SOD2: variants seen among roughly 807,000 people sequenced by gnomAD.
SOD2 encodes superoxide dismutase [Mn], mitochondrial.
SOD2 carries 11 observed loss-of-function variants against 27.0 expected under a neutral mutation model. That is an observed-to-expected ratio of 0.41 (90% CI 0.26 to 0.67). SOD2 has a LOEUF of 0.67. SOD2 is among the 30% of genes least tolerant of loss of function. The pLI, the probability that SOD2 is intolerant of heterozygous loss-of-function variation, is 0.34. For missense variants in SOD2, 250 were observed against 274.5 expected, an observed-to-expected ratio of 0.91 and a Z score of 0.63; for synonymous variants, 105 against 103.0, an observed-to-expected ratio of 1.02 and a Z score of -0.12.
intron 1 of SOD2, among the ~76,000 whole-genome samples, chr6:159,724,130 G>A (rs552660250): frequency 4.2e-5 from 6 of 142,436 alleles, no homozygotes; most frequent in East Asian, 2.3e-4. Flanking sequence ...CCCCACCCCC[G>A]GATGAATGAA....
At chr6:159,736,981 T>A (rs1778962667) in intron 1 of SOD2, among the ~76,000 whole-genome samples, 1 of 152,228 alleles carries the variant, frequency 6.6e-6, no homozygotes, top group South Asian at 2.1e-4. Context: ...AGATTACTCA[T>A]TAAATGAATA....
intron 1 of SOD2, among the ~76,000 whole-genome samples, chr6:159,711,006 T>A (rs78838950): frequency 0.021 from 874 of 40,652 alleles, 5 homozygotes; most frequent in Non-Finnish European, 0.025. Flanking sequence ...TGCTCTGACC[T>A]CCATAACCAC....
At chr6:159,698,943 G>A (rs1777478712) in intron 1 of SOD2, among the ~76,000 whole-genome samples, 1 of 110,228 alleles carries the variant, frequency 9.1e-6, no homozygotes, top group Admixed American at 1.2e-4. Context: ...GGGGGTGGGG[G>A]GCGGGGGTGG....
intron 1 of SOD2, chr6:159,760,962 T>C (rs959368519): frequency 6.6e-6 from 1 of 152,316 alleles, no homozygotes; most frequent in East Asian, 1.9e-4. Flanking sequence ...ACCCTAAAGA[T>C]TTCTCCTGAA....
chr6:159,692,329 A>AGT, intron 2 of SOD2: 1 of 1,025,642 alleles, frequency 9.7e-7, no homozygotes, highest in Non-Finnish European at 1.3e-6. Flanking sequence ...AAAAAAAACG[A>AGT]GTGACACAGT....
rs3066261 is a variant in SOD2, at chr6:159,756,594, C to CTTTTTTTTTTTTTTTTTTT, written c.-336+4424_-336+4442dup. Among the ~76,000 whole-genome samples the CTTTTTTTTTTTTTTTTTTT allele has an allele frequency of 3.2e-5, 3 of 94,372 alleles. 1 individual carries two copies. The highest frequency in any genetic ancestry group is 2.0e-5 in the Non-Finnish European group (1 of 49,222). The allele number at this position is 94,372 out of a possible 152,430, so 61.9% of individuals were successfully genotyped here. ...AGAAAATAGTCATCTATTTCTTAGG[C>CTTTTTTTTTTTTTTTTTTT]TTTTTTTTTTTTTTTTTTTTTAATT... is the stretch of plus-strand genomic sequence containing the variant. On this transcript the variant is annotated intron_variant, in intron 1 of 7. Coordinates refer to the SOD2 transcript ENST00000546087.
intron 1 of SOD2, among the ~76,000 whole-genome samples, chr6:159,759,565 G>T (rs1465454969): frequency 6.6e-6 from 1 of 151,398 alleles, no homozygotes; most frequent in Non-Finnish European, 1.5e-5. Context: ...AGCTACTCAG[G>T]ACTCTGAGGC....
intron 1 of SOD2, chr6:159,712,755 C>T: frequency 6.3e-6 from 3 of 477,626 alleles, no homozygotes; most frequent in South Asian, 5.2e-5. Context: ...CCACCATAAC[C>T]ACCTCCACAA....
Position 159,679,026 on chromosome 6 carries a change from T to G in SOD2, c.*3467A>C, listed in dbSNP as rs1779841575. ...AGTAATATTTCAACTACCCATTATTTACTATTCCTTTCCCATGGAAACTCA... is the reference window on the plus strand; with the variant it reads ...AGTAATATTTCAACTACCCATTATTGACTATTCCTTTCCCATGGAAACTCA... On this transcript the variant is annotated 3_prime_UTR_variant, in exon 5 of 5. Coordinates refer to ENST00000538183, the MANE Select transcript of SOD2 (RefSeq NM_000636.4). The G allele has an allele frequency of 6.6e-6, 1 of 152,236 alleles. No homozygotes were observed. The highest frequency in any genetic ancestry group is 2.4e-5 in the African/African-American group (1 of 41,456). 9.4% of individuals were successfully genotyped at this position (152,236 alleles called of 1,614,324 possible).
In SOD2 at chr6:159,692,800, G is replaced by A. The variant is rs1346092138; in HGVS notation, c.87C>T (p.Pro29=). The change falls in exon 2 of 5, where the codon CCC becomes CCT. Residue 29 remains proline, a synonymous_variant. Coordinates refer to ENST00000538183, the MANE Select transcript of SOD2 (RefSeq NM_000636.4). ...YLGSRQKHSL[P]DLPYDYGALE... ...GGGCGCCGTAGTCGTAGGGCAGGTC[G>A]GGGAGGCTGTGCTTCTGCCTGGAGC... The A allele has an allele frequency of 1.9e-6, 3 of 1,613,876 alleles. No homozygotes were observed. Among genetic ancestry groups the A allele is most frequent in the Non-Finnish European group, 2.5e-6 (3 of 1,180,006 alleles).
chr6:159,752,269 A>G (rs1779847718), intron 1 of SOD2, among the ~76,000 whole-genome samples: 1 of 152,246 alleles, frequency 6.6e-6, no homozygotes, highest in African/African-American at 2.4e-5. Context: ...CCCCAAGGAC[A>G]AGAATGTCAC....
intron 1 of SOD2, chr6:159,726,778 AC>A: frequency 7.8e-7 from 1 of 1,289,048 alleles, no homozygotes; most frequent in Non-Finnish European, 1.0e-6. Flanking sequence ...GGAGGAACGA[AC>A]CCAGCGGCCA....
upstream of SOD2, among the ~76,000 whole-genome samples, chr6:159,732,115 T>G (rs1778608643): frequency 6.6e-6 from 1 of 152,164 alleles, no homozygotes; most frequent in South Asian, 2.1e-4. Context: ...TCGCATCCCG[T>G]GAATGCTGTA....
At chr6:159,689,312 A>G (rs1780341599) in intron 2 of SOD2, among the ~76,000 whole-genome samples, 1 of 152,158 alleles carries the variant, frequency 6.6e-6, no homozygotes, top group Non-Finnish European at 1.5e-5. Flanking sequence ...CCCATCAGTG[A>G]AGCCTTCTCT....
upstream of SOD2, among the ~76,000 whole-genome samples, chr6:159,697,852 C>T (rs571670867): frequency 1.3e-3 from 201 of 152,282 alleles, no homozygotes; most frequent in African/African-American, 4.4e-3. Flanking sequence ...CAGAAATCTG[C>T]GTATATGCCC....
Position 159,693,031 on chromosome 6 carries a change from G to A in SOD2, c.23+114C>T. 4 of 1,450,648 alleles carry A rather than the reference G, an allele frequency of 2.8e-6. No individual in the cohort carries two copies. In the South Asian group the frequency reaches 3.9e-5, roughly 14 times the overall value. The allele number at this position is 1,450,648 out of a possible 1,614,324, so 89.9% of individuals were successfully genotyped here. ...GGCACTCCCGGGAGAACCGCCTGCA[G>A]GTGCCCCGGTCCCGCCAGGCCCGGT... On this transcript the variant is annotated intron_variant, in intron 1 of 4. Coordinates refer to ENST00000538183, the MANE Select transcript of SOD2 (RefSeq NM_000636.4).
chr6:159,720,845 A>AT (rs1778021973), intron 1 of SOD2, among the ~76,000 whole-genome samples: 1 of 47,896 alleles, frequency 2.1e-5, no homozygotes, highest in Admixed American at 2.4e-4. Flanking sequence ...TATTTTCTTT[A>AT]CCTTTTTTTT....
At chr6:159,715,476 C>CA (rs202127086) in intron 1 of SOD2, among the ~76,000 whole-genome samples, 3,564 of 152,052 alleles carry the variant, frequency 0.023, 147 homozygotes, top group African/African-American at 0.081. Context: ...TTGTGGGGAA[C>CA]AAAAAACCGT....
chr6:159,711,755 GATCACCATAACC>G (rs1777779901), intron 1 of SOD2, among the ~76,000 whole-genome samples: 1 of 96,758 alleles, frequency 1.0e-5, no homozygotes, highest in East Asian at 3.8e-4. Context: ...ACATTGCTCT[GATCACCATAACC>G]ACCTCCATAA....
Sources: gnomAD v4.1 joint callset for allele counts (sites outside exome capture counted in the v4.1 genomes callset) on GRCh38, gnomAD v4.1.1 for gene constraint, MANE v1.5 for transcripts, NCBI Gene and HGNC (gene_info 2026-07-23, HGNC 2026-07-21) for gene names.